The following FGF5 variants were observed in gnomAD, a reference collection of about 807,000 sequenced individuals.
The protein encoded by FGF5 is heparin-binding growth factor 5.
A neutral mutation model predicts 21.8 loss-of-function variants in FGF5; 23 were observed. That is an observed-to-expected ratio of 1.05 (90% CI 0.76 to 1.49). FGF5 has a LOEUF of 1.49. Among genes scored for constraint, FGF5 ranks in the 40% most tolerant of loss-of-function variants. The pLI, the probability that FGF5 is intolerant of heterozygous loss-of-function variation, is 0.00. For synonymous variants in FGF5, 158 were observed against 124.0 expected (o/e 1.27, Z -1.82); for missense variants, 352 against 332.9 (o/e 1.06, Z -0.45).
chr4:80,287,220 T>G lies in FGF5; in HGVS notation c.*548T>G, dbSNP rs1720760588. 1 of 152,354 alleles carries G rather than the reference T, an allele frequency of 6.6e-6. No homozygotes were observed. The highest frequency in any genetic ancestry group is 2.1e-4 in the South Asian group (1 of 4,828). 9.4% of individuals were successfully genotyped at this position (152,354 alleles called of 1,614,324 possible). A position where few individuals can be genotyped will look rare whatever the true frequency, so the allele number is the denominator to read the frequency against. On this transcript the variant is annotated 3_prime_UTR_variant, in exon 3 of 3. Transcript: ENST00000312465. ...ATGTGTTTATAGCTCATTTGTAATATGGAAATCTTTTACATTTTTCCTATT... is the reference window on the plus strand; with the variant it reads ...ATGTGTTTATAGCTCATTTGTAATAGGGAAATCTTTTACATTTTTCCTATT...
chr4:80,285,392 C>T (rs909673548), intron 2 of FGF5, among the ~76,000 whole-genome samples: 1 of 152,174 alleles, frequency 6.6e-6, no homozygotes, highest in African/African-American at 2.4e-5. Flanking sequence ...AAAATCCTTT[C>T]TTATTTTGCC....
intron 2 of FGF5, among the ~76,000 whole-genome samples, chr4:80,277,234 C>T (rs1482458198): frequency 6.6e-6 from 1 of 152,130 alleles, no homozygotes; most frequent in Non-Finnish European, 1.5e-5. Context: ...AAAGTTATTT[C>T]ATAGAATAAT....
intron 1 of FGF5, 129 bp from the exon 2 acceptor site, chr4:80,274,780 A>T: frequency 1.8e-6 from 1 of 566,170 alleles, no homozygotes; most frequent in Non-Finnish European, 3.1e-6. Flanking sequence ...AACAATAAGG[A>T]TGTTAAATAC....
chr4:80,268,449 A>T (rs3822015), intron 1 of FGF5: 5 of 984,212 alleles, frequency 5.1e-6, no homozygotes, highest in Non-Finnish European at 6.0e-6. Flanking sequence ...CTCAGACCAA[A>T]GACTCCACGG....
chr4:80,286,049 A>G (rs1012123214), intron 2 of FGF5, among the ~76,000 whole-genome samples: 1 of 152,230 alleles, frequency 6.6e-6, no homozygotes, highest in Non-Finnish European at 1.5e-5. Flanking sequence ...AAATGTATCA[A>G]GAGTTCTGGT....
At chr4:80,272,150 C>A (rs1720288037) in intron 1 of FGF5, among the ~76,000 whole-genome samples, 1 of 152,154 alleles carries the variant, frequency 6.6e-6, no homozygotes, top group South Asian at 2.1e-4. Context: ...ATAATTCATT[C>A]ATCTAGTCTC....
intron 2 of FGF5, among the ~76,000 whole-genome samples, chr4:80,282,631 T>A (rs974047290): frequency 8.5e-5 from 13 of 152,200 alleles, no homozygotes; most frequent in Non-Finnish European, 1.9e-4. Context: ...TGAAACTTTT[T>A]AAACAAATAT....
Position 80,278,167 on chromosome 4 carries a change from CTT to C in FGF5, c.459+3156_459+3157del, listed in dbSNP as rs141788537. Among the ~76,000 whole-genome samples the C allele has an allele frequency of 2.8e-3, 427 of 152,196 alleles. 10 individuals are homozygous for C. The East Asian group carries it at 0.048, about 17-fold the overall frequency. ...GGAATCAATTACATTGTTTTCACCT[CTT>C]AGTGTATAGAAATTAATATGTGCGT... On this transcript the variant is annotated intron_variant, in intron 2 of 2. Transcript: ENST00000312465.
intron 2 of FGF5, among the ~76,000 whole-genome samples, chr4:80,277,882 TAATC>T (rs1331212772): frequency 5.3e-5 from 8 of 152,120 alleles, no homozygotes; most frequent in Non-Finnish European, 1.2e-4. Flanking sequence ...TTTGTAATAA[TAATC>T]AGAGTACTAA....
intron 1 of FGF5, among the ~76,000 whole-genome samples, chr4:80,272,355 A>G (rs1720293222): frequency 1.3e-5 from 2 of 152,118 alleles, no homozygotes; most frequent in Admixed American, 1.3e-4. Context: ...ACTTTCACAT[A>G]TATTATTTCA....
chr4:80,266,621 G>C (rs984068192), upstream of FGF5: 5 of 580,978 alleles, frequency 8.6e-6, no homozygotes, highest in Non-Finnish European at 1.5e-5. Flanking sequence ...GGAGCAGTGA[G>C]ATCACTGGCG....
chr4:80,282,954 C>T (rs932816979), intron 2 of FGF5, among the ~76,000 whole-genome samples: 1 of 152,046 alleles, frequency 6.6e-6, no homozygotes, highest in East Asian at 1.9e-4. Flanking sequence ...TAGCTAAGAC[C>T]TATGACTCTT....
chr4:80,286,262 T>C, intron 2 of FGF5, 63 bp from the exon 3 acceptor site: 5 of 1,129,426 alleles, frequency 4.4e-6, no homozygotes, highest in Non-Finnish European at 6.3e-6. Context: ...CAATACCTTA[T>C]GTTTTATTAC....
intron 2 of FGF5, among the ~76,000 whole-genome samples, chr4:80,281,405 G>A (rs1720551912): frequency 6.6e-6 from 1 of 152,058 alleles, no homozygotes; most frequent in South Asian, 2.1e-4. Context: ...TAACCTTTTT[G>A]TTATTTAATA....
chr4:80,272,350 C>A (rs1474138045), intron 1 of FGF5, among the ~76,000 whole-genome samples: 1 of 152,062 alleles, frequency 6.6e-6, no homozygotes. Flanking sequence ...ATAACACTTT[C>A]ACATATATTA....
In FGF5 at chr4:80,266,694, C is replaced by A; in HGVS notation, c.-131C>A. The A allele has an allele frequency of 1.3e-6, 1 of 777,620 alleles. No homozygotes were observed. The highest frequency in any genetic ancestry group is 2.1e-6 in the Non-Finnish European group (1 of 486,016). 48.2% of individuals were successfully genotyped at this position (777,620 alleles called of 1,614,324 possible). On this transcript the variant is annotated 5_prime_UTR_variant, in exon 1 of 3. Coordinates refer to ENST00000312465, the MANE Select transcript of FGF5 (RefSeq NM_004464.4). ...GGTGGCCTCTCTCTTCCCCTCTCCC[C>A]TTCTCTTCCCCGAGGCTATGTCCAC...
chr4:80,273,142 T>C (rs1270826394), intron 1 of FGF5, among the ~76,000 whole-genome samples: 2 of 152,014 alleles, frequency 1.3e-5, no homozygotes. Flanking sequence ...TAAAAACATT[T>C]TGAAGGAAAG....
chr4:80,272,216 T>C (rs540590127), intron 1 of FGF5, among the ~76,000 whole-genome samples: 9 of 152,322 alleles, frequency 5.9e-5, no homozygotes, highest in Non-Finnish European at 1.2e-4. Flanking sequence ...ATATGTAAAG[T>C]GTATTTTTAA....
chr4:80,283,766 T>C (rs887588349), intron 2 of FGF5, among the ~76,000 whole-genome samples: 3 of 152,064 alleles, frequency 2.0e-5, no homozygotes, highest in African/African-American at 7.2e-5. Flanking sequence ...GTCATTCAAC[T>C]GCATTTTAAG....
Sources: allele counts gnomAD v4.1 joint callset (sites outside exome capture counted in the v4.1 genomes callset), GRCh38; gene constraint gnomAD v4.1.1; transcripts MANE v1.5; gene names NCBI Gene and HGNC (gene_info 2026-07-23, HGNC 2026-07-21).